HDAC4: variants seen among roughly 807,000 people sequenced by gnomAD.
HDAC4 encodes the protein histone deacetylase 4.
A neutral mutation model predicts 135.1 loss-of-function variants in HDAC4; 16 were observed. The observed-to-expected ratio is 0.12, with a 90% CI of 0.08 to 0.18. The LOEUF is 0.18. HDAC4 is among the 10% of genes least tolerant of loss of function. HDAC4 has a pLI of 1.00. For missense variants in HDAC4, 1,143 were observed against 1,511.8 expected (o/e 0.76, Z 4.05); for synonymous variants, 685 against 653.4 (o/e 1.05, Z -0.74).
intron 2 of HDAC4, among the ~76,000 whole-genome samples, chr2:239,291,274 G>A (rs1378923060): frequency 6.6e-6 from 1 of 152,242 alleles, no homozygotes; most frequent in Non-Finnish European, 1.5e-5. Flanking sequence ...TCGCCTGCCA[G>A]GGCTGGCCCG....
rs1205973558 is a variant in HDAC4 at position 239,059,347 on chromosome 2, A to C, written c.3004-4514T>G. ...AGCAGACAAATTCTGAAAAGAAAAA[A>C]GGATGCTGCAGTTGAAAACTGATTC... On this transcript the variant is annotated intron_variant, in intron 24 of 26. Coordinates refer to ENST00000543185, the MANE Select transcript of HDAC4 (RefSeq NM_001378414.1). 2.0e-5 allele frequency among the ~76,000 whole-genome samples: 3 copies of C among 152,346 alleles called. No individual in the cohort carries two copies. In the East Asian group the frequency reaches 5.8e-4, roughly 29 times the overall value.
At chr2:239,230,758 T>C (rs2047506686) in intron 3 of HDAC4, among the ~76,000 whole-genome samples, 1 of 152,190 alleles carries the variant, frequency 6.6e-6, no homozygotes, top group African/African-American at 2.4e-5. Context: ...GGGCTCTGTG[T>C]ATGAAGGTAA....
At chr2:239,151,719 G>A (rs1217095700) in intron 7 of HDAC4, among the ~76,000 whole-genome samples, 1 of 152,196 alleles carries the variant, frequency 6.6e-6, no homozygotes, top group Non-Finnish European at 1.5e-5. Context: ...AGAGAATGCC[G>A]GAACAAGGCT....
chr2:239,377,342 A>G (rs929229891), intron 1 of HDAC4, among the ~76,000 whole-genome samples: 3 of 152,056 alleles, frequency 2.0e-5, no homozygotes, highest in African/African-American at 7.2e-5. Context: ...GAGGCCCCAA[A>G]ATGTCCAGGG....
At chr2:239,328,073 C>T (rs148133965) in intron 2 of HDAC4, among the ~76,000 whole-genome samples, 10 of 152,362 alleles carry the variant, frequency 6.6e-5, no homozygotes, top group East Asian at 1.9e-4. Flanking sequence ...CTGGATGACA[C>T]GCTGAAAGCC....
intron 1 of HDAC4, among the ~76,000 whole-genome samples, chr2:239,398,431 T>C (rs1481563563): frequency 2.6e-5 from 4 of 152,250 alleles, no homozygotes; most frequent in Admixed American, 1.3e-4. Flanking sequence ...AGTCGATTAC[T>C]GGGCATAAAT....
At chr2:239,293,663 C>T (rs960838473) in intron 2 of HDAC4, among the ~76,000 whole-genome samples, 2 of 152,022 alleles carry the variant, frequency 1.3e-5, no homozygotes, top group East Asian at 4.0e-4. Context: ...GCAGTGGCTA[C>T]GCACAGGGCA....
At position 239,126,354 on chromosome 2, in the gene HDAC4, G is replaced by T; in HGVS notation, c.1533+102C>A. On this transcript the variant is annotated intron_variant, in intron 12 of 26. Transcript: ENST00000543185. ...CTCGGTTCCCTCTTTCTGCCTCCTG[G>T]CCTCCCTTAAGGTCAGAAAGGGGCC... The T allele has an allele frequency of 2.5e-6, 4 of 1,587,942 alleles. 1 individual carries two copies. The South Asian group carries it at 4.5e-5, about 18-fold the overall frequency.
In HDAC4 at chr2:239,114,977, C is replaced by T. The variant is rs748814497; in HGVS notation, c.1791+76G>A. 4.1e-5 allele frequency: 65 copies of T among 1,570,308 alleles called. No homozygotes were observed. The African/African-American group carries it at 8.4e-4, about 20-fold the overall frequency. ...GGATGCCCTGCAGCCCCCGTGATCACCACAGAAGATGCCACCTGGGGACCG... is the reference window on the plus strand; with the variant it reads ...GGATGCCCTGCAGCCCCCGTGATCATCACAGAAGATGCCACCTGGGGACCG... On this transcript the variant is annotated intron_variant, in intron 13 of 26. Transcript: ENST00000543185.
intron 4 of HDAC4, among the ~76,000 whole-genome samples, chr2:239,179,146 G>T (rs928315199): frequency 6.6e-6 from 1 of 152,080 alleles, no homozygotes; most frequent in Non-Finnish European, 1.5e-5. Context: ...ATAGAGTGGG[G>T]TGTGCGTGCG....
chr2:239,317,336 C>T (rs1167092641), intron 2 of HDAC4, among the ~76,000 whole-genome samples: 12 of 79,242 alleles, frequency 1.5e-4, no homozygotes, highest in Admixed American at 1.4e-3. Flanking sequence ...GTGCAGGGGC[C>T]GATCTACACA....
chr2:239,384,995 G>A (rs1263589219), intron 1 of HDAC4, among the ~76,000 whole-genome samples: 3 of 152,156 alleles, frequency 2.0e-5, no homozygotes, highest in East Asian at 1.9e-4. Context: ...CAGGATACAG[G>A]AGAACAGAAC....
chr2:239,165,605 A>G (rs2043078726), intron 5 of HDAC4, among the ~76,000 whole-genome samples: 1 of 152,158 alleles, frequency 6.6e-6, no homozygotes, highest in African/African-American at 2.4e-5. Flanking sequence ...CATGAGAGCT[A>G]TAAATAGGTA....
At chr2:239,179,302 C>A (rs1437456461) in intron 4 of HDAC4, among the ~76,000 whole-genome samples, 1 of 152,218 alleles carries the variant, frequency 6.6e-6, no homozygotes, top group South Asian at 2.1e-4. Flanking sequence ...CGGCCGTGGA[C>A]GGGTAGCAGC....
chr2:239,268,491 T>C (rs2049874506), intron 2 of HDAC4, among the ~76,000 whole-genome samples: 1 of 152,282 alleles, frequency 6.6e-6, no homozygotes, highest in Non-Finnish European at 1.5e-5. Flanking sequence ...CTCTGAGTTC[T>C]AACTTACCAC....
intron 2 of HDAC4, among the ~76,000 whole-genome samples, chr2:239,273,107 G>A (rs1009363647): frequency 6.6e-6 from 1 of 152,164 alleles, no homozygotes; most frequent in Non-Finnish European, 1.5e-5. Context: ...AGGATACTGA[G>A]ATGAGGGATT....
Position 239,152,462 on chromosome 2 carries a change from G to A in HDAC4, c.733+4190C>T, listed in dbSNP as rs558498072. On this transcript the variant is annotated intron_variant, in intron 7 of 26. Transcript: ENST00000543185. ...AATCTGGCGGGAGGTGAAGACCTCT[G>A]AAGTGGAGACACCCCTGCTGCCAAT... Among the ~76,000 whole-genome samples, 3 of 152,374 alleles carry A rather than the reference G, an allele frequency of 2.0e-5. No individual in the cohort carries two copies. In the East Asian group the frequency reaches 5.8e-4, roughly 29 times the overall value.
chr2:239,335,723 G>A (rs1691895666), intron 2 of HDAC4, among the ~76,000 whole-genome samples: 1 of 152,060 alleles, frequency 6.6e-6, no homozygotes, highest in Non-Finnish European at 1.5e-5. Flanking sequence ...GTATGAAAAG[G>A]TATTCAACAT....
chr2:239,392,781 C>T (rs910335324), intron 1 of HDAC4, among the ~76,000 whole-genome samples: 6 of 152,234 alleles, frequency 3.9e-5, no homozygotes, highest in South Asian at 2.1e-4. Flanking sequence ...CCCTTGGCCA[C>T]GCTCTGCTGA....
Sources: gnomAD v4.1 joint callset for allele counts (sites outside exome capture counted in the v4.1 genomes callset) on GRCh38, gnomAD v4.1.1 for gene constraint, MANE v1.5 for transcripts, NCBI Gene and HGNC (gene_info 2026-07-23, HGNC 2026-07-21) for gene names.